GARNL3: variants seen among roughly 807,000 people sequenced by gnomAD.
The protein encoded by GARNL3 is GTPase activating Rap/RanGAP domain like 3.
Under a neutral mutation model 125.0 loss-of-function variants are expected in GARNL3, and 63 were observed. The observed-to-expected ratio is 0.50, with a 90% CI of 0.41 to 0.62. The LOEUF is 0.62. Ranked by LOEUF, GARNL3 falls within the 20% of genes least tolerant of loss-of-function variation. The pLI is 0.00. For missense variants in GARNL3, 994 were observed against 1,244.0 expected (o/e 0.80, Z 3.02); for synonymous variants, 439 against 457.5 (o/e 0.96, Z 0.52).
intron 20 of GARNL3, among the ~76,000 whole-genome samples, chr9:127,355,925 T>A (rs1457474680): frequency 6.6e-6 from 1 of 151,778 alleles, no homozygotes; most frequent in Non-Finnish European, 1.5e-5. Context: ...CCAAAAGAAG[T>A]ATGGGAGTGA....
At chr9:127,250,335 A>G (rs77769879) in intron 2 of GARNL3, among the ~76,000 whole-genome samples, 2,728 of 152,312 alleles carry the variant, frequency 0.018, 79 homozygotes, top group African/African-American at 0.063. Context: ...ATACAAATAC[A>G]TAGATACAGT....
In GARNL3 at chr9:127,335,248, A is replaced by T; in HGVS notation, c.788A>T (p.His263Leu). The change falls in exon 10 of 28, where the codon CAT becomes CTT. Residue 263 changes from histidine to leucine, a missense_variant. Around this residue, in one of 5 missense-constraint regions of GARNL3, gnomAD observed 71 missense variants for 66.2 expected, o/e 1.07. Coordinates refer to ENST00000373387, the MANE Select transcript of GARNL3 (RefSeq NM_032293.5). ...TTTGCAGATGATACCACAGGGATAC[A>T]TTCAGTTTATACTGTGTACCAAGGG... The part of the protein sequence containing the change: ...LDTKNDTTGI[H>L]SVYTVYQGHE... The T allele has an allele frequency of 6.2e-7, 1 of 1,613,168 alleles. No individual in the cohort carries two copies.
chr9:127,316,446 A>C (rs1175301235), intron 4 of GARNL3, among the ~76,000 whole-genome samples: 1 of 152,162 alleles, frequency 6.6e-6, no homozygotes, highest in East Asian at 1.9e-4. Context: ...TCAAGGTAGG[A>C]TCTAAGCTAG....
At position 127,385,148 on chromosome 9, in the gene GARNL3, G is replaced by A. The variant is rs1832476825; in HGVS notation, c.2388+3G>A. The A allele has an allele frequency of 6.3e-7, 1 of 1,582,542 alleles. No individual in the cohort carries two copies. The highest frequency in any genetic ancestry group is 8.6e-7 in the Non-Finnish European group (1 of 1,157,834). ...AGCTGCAGCTGGTGGCCTCCAGGGT[G>A]AGTAGGACTGGGATTTTATCTCTGA... On this transcript the variant is annotated splice_donor_region_variant and intron_variant, in intron 24 of 27. Coordinates refer to ENST00000373387, the MANE Select transcript of GARNL3 (RefSeq NM_032293.5). The surrounding 1 kb of genome is among the most constrained non-coding windows in gnomAD (Gnocchi z 4.1).
At chr9:127,243,852 C>A (rs118041164) in intron 2 of GARNL3, among the ~76,000 whole-genome samples, 1 of 152,032 alleles carries the variant, frequency 6.6e-6, no homozygotes, top group Non-Finnish European at 1.5e-5. Flanking sequence ...TATGATAATA[C>A]TCGGATGAAT....
chr9:127,304,980 A>G (rs1219368723), intron 2 of GARNL3, among the ~76,000 whole-genome samples: 3 of 152,218 alleles, frequency 2.0e-5, no homozygotes, highest in Non-Finnish European at 4.4e-5. Flanking sequence ...CCAGTAACAC[A>G]GGTGAATGTT....
chr9:127,349,136 G>T (rs993465852), intron 17 of GARNL3, 101 bp downstream of exon 17: 4 of 786,896 alleles, frequency 5.1e-6, no homozygotes, highest in Non-Finnish European at 8.9e-6. Context: ...ATAAATGTGT[G>T]ATCTGCAGAG....
At chr9:127,263,463 A>G (rs1014226386), upstream of GARNL3, among the ~76,000 whole-genome samples, 1 of 152,134 alleles carries the variant, frequency 6.6e-6, no homozygotes, top group Non-Finnish European at 1.5e-5. Flanking sequence ...GTCCAAGTCC[A>G]CCGGCACTCC....
rs145432795 is a variant in GARNL3, at chr9:127,320,751, G to A, written c.540G>A (p.Arg180=). 80 of 1,611,786 alleles carry A rather than the reference G, an allele frequency of 5.0e-5. No homozygotes were observed. The highest frequency in any genetic ancestry group is 6.7e-5 in the African/African-American group (5 of 74,854). ...TGGACAAATTTGAGAAAGGCCCCAG[G>A]GAAATTTTTCATCCTGAAATACAAA... The part of the protein sequence containing the change: ...MNLDKFEKGP[R]EIFHPEIQKD... Residue 180 remains arginine, a synonymous_variant, in exon 6 of 28, where the codon AGG becomes AGA. Coordinates refer to ENST00000373387, the MANE Select transcript of GARNL3 (RefSeq NM_032293.5).
chr9:127,318,162 T>C (rs1161550413), intron 5 of GARNL3, 35 bp downstream of exon 5: 7 of 1,242,814 alleles, frequency 5.6e-6, no homozygotes, highest in Non-Finnish European at 8.3e-6. Flanking sequence ...CACACATGGA[T>C]TTGGAGCCCT....
chr9:127,241,985 GC>G (rs1564842364), intron 1 of GARNL3, among the ~76,000 whole-genome samples: 1 of 151,418 alleles, frequency 6.6e-6, no homozygotes, highest in East Asian at 1.9e-4. Context: ...TTTTTAATAT[GC>G]CTGCAGCCTT....
At chr9:127,341,592 G>A (rs1412311972) in intron 13 of GARNL3, among the ~76,000 whole-genome samples, 1 of 152,182 alleles carries the variant, frequency 6.6e-6, no homozygotes, top group East Asian at 1.9e-4. Context: ...AGCTGAAAGG[G>A]TGTTGGCAGC....
upstream of GARNL3, among the ~76,000 whole-genome samples, chr9:127,258,845 C>T (rs1035792938): frequency 1.3e-5 from 2 of 152,166 alleles, no homozygotes; most frequent in Admixed American, 6.5e-5. Context: ...AGGAGAATCC[C>T]TTCCATCTGT....
intron 15 of GARNL3, among the ~76,000 whole-genome samples, chr9:127,344,787 A>G (rs1830050470): frequency 6.6e-6 from 1 of 152,130 alleles, no homozygotes; most frequent in Admixed American, 6.5e-5. Context: ...GTCACCACCA[A>G]GTTAGGTGGT....
intron 2 of GARNL3, among the ~76,000 whole-genome samples, chr9:127,253,473 A>T (rs1168695352): frequency 6.6e-6 from 1 of 152,234 alleles, no homozygotes; most frequent in Admixed American, 6.5e-5. Context: ...GCTTAGGCTT[A>T]GTACTGAAAA....
At chr9:127,387,000 A>T in intron 24 of GARNL3, 193 bp from the exon 25 acceptor site, 1 of 497,906 alleles carries the variant, frequency 2.0e-6, no homozygotes, top group Non-Finnish European at 3.6e-6. Context: ...TGGAATACTC[A>T]GGAAAAGTGT....
Position 127,387,343 on chromosome 9 carries a change from G to A in GARNL3, c.2527+12G>A. 1 of 1,602,496 alleles carries A rather than the reference G, an allele frequency of 6.2e-7. No individual in the cohort carries two copies. The highest frequency in any genetic ancestry group is 8.5e-7 in the Non-Finnish European group (1 of 1,173,950). On this transcript the variant is annotated intron_variant, in intron 25 of 27. Coordinates refer to ENST00000373387, the MANE Select transcript of GARNL3 (RefSeq NM_032293.5). ...TTCCCTGGGGGAAGGTGAAGTCCAA[G>A]TTTTACTGTTTTATTAATATTTGTA...
intron 25 of GARNL3, among the ~76,000 whole-genome samples, chr9:127,387,743 CAA>C (rs59031446): frequency 3.8e-4 from 22 of 57,852 alleles, no homozygotes; most frequent in Admixed American, 7.9e-4. Flanking sequence ...ACTCTGTCTA[CAA>C]AAAAAAAAAA....
chr9:127,366,771 GC>G (rs1831308167), intron 22 of GARNL3: 1 of 152,248 alleles, frequency 6.6e-6, no homozygotes, highest in Admixed American at 6.5e-5. Flanking sequence ...TGCCAGACTT[GC>G]CAGTGCTGAC....
Sources: gnomAD v4.1 joint callset for allele counts (sites outside exome capture counted in the v4.1 genomes callset) on GRCh38, gnomAD v4.1.1 for gene constraint, gnomAD v4.1.1 regional missense constraint, Gnocchi (gnomAD v3.1) non-coding constraint, MANE v1.5 for transcripts, NCBI Gene and HGNC (gene_info 2026-07-23, HGNC 2026-07-21) for gene names.